The following VPS13C variants were observed in gnomAD, a reference collection of about 807,000 sequenced individuals.
VPS13C encodes intermembrane lipid transfer protein VPS13C.
In VPS13C, 358 loss-of-function variants were observed where a neutral mutation model predicts 456.8. The ratio of observed to expected loss-of-function variants is 0.78; its 90% CI spans 0.72 to 0.86. The LOEUF (loss-of-function observed/expected upper bound fraction) is 0.86, where lower values mean the gene tolerates loss of function less well. Among genes scored for constraint, VPS13C ranks in the 40% least tolerant of loss-of-function variants. The probability of loss-of-function intolerance (pLI) is 0.00; values close to 1 mark genes in which losing one functional copy is unlikely to be tolerated. For missense variants in VPS13C, 4,818 were observed against 4,385.4 expected, an observed-to-expected ratio of 1.10 and a Z score of -2.79; for synonymous variants, 1,578 against 1,486.7, an observed-to-expected ratio of 1.06 and a Z score of -1.41.
At chr15:61,917,137 T>C (rs1239268532) in intron 60 of VPS13C, among the ~76,000 whole-genome samples, 2 of 152,114 alleles carry the variant, frequency 1.3e-5, no homozygotes, top group South Asian at 2.1e-4. Flanking sequence ...AAAGAGTAAA[T>C]AGGCTAATAC....
In VPS13C at chr15:61,854,454, T is replaced by C. The variant is rs1054946297; in HGVS notation, c.*3A>G. The stretch of plus-strand genomic sequence containing the variant: ...TCCCTGTTGGAGCCCCTGAGGTCTG[T>C]GATTAAGATGGCAATTGGGGTCTGA... On this transcript the variant is annotated 3_prime_UTR_variant, in exon 85 of 85. Coordinates refer to ENST00000644861, the MANE Select transcript of VPS13C (RefSeq NM_020821.3). 1.2e-6 allele frequency: 2 copies of C among 1,613,812 alleles called. No individual in the cohort carries two copies. The highest frequency in any genetic ancestry group is 8.5e-7 in the Non-Finnish European group (1 of 1,179,788).
At chr15:61,907,493 T>G in intron 65 of VPS13C, 103 bp from the exon 66 acceptor site, 1 of 1,420,564 alleles carries the variant, frequency 7.0e-7, no homozygotes, top group Non-Finnish European at 9.4e-7. Flanking sequence ...CCTACGAAAT[T>G]GCTGTGGTTA....
At chr15:61,923,387 T>C (rs1030152316) in intron 53 of VPS13C, among the ~76,000 whole-genome samples, 7 of 152,186 alleles carry the variant, frequency 4.6e-5, no homozygotes, top group African/African-American at 1.7e-4. Flanking sequence ...AGTTCTACAC[T>C]GATGACATCT....
Position 62,033,447 on chromosome 15 carries a change from C to A in VPS13C, c.379G>T (p.Glu127Ter). ...RIEEALQKAAEKGTHSGEFIY... is the reference protein window; with the variant it reads ...RIEEALQKAA ...TCTCAAAAAAACTTTTTACCTTTTT[C>A]TGCTGCTTTTTGAAGGGCTTCTTCA... The change falls in exon 5 of 85, where the codon GAA becomes TAA. Residue 127 changes from glutamate (E) to a stop codon, truncating the protein, a stop_gained. Transcript: ENST00000644861. LOFTEE classifies it high-confidence loss of function. 6.3e-7 allele frequency: 1 copy of A among 1,597,022 alleles called. No individual in the cohort carries two copies. Among genetic ancestry groups the A allele is most frequent in the South Asian group, 1.1e-5 (1 of 88,010 alleles).
At position 61,927,154 on chromosome 15, in the gene VPS13C, C is replaced by G. The variant is rs1004055423; in HGVS notation, c.6453G>C (p.Val2151=). The stretch of plus-strand genomic sequence containing the variant: ...GGCAAGCGAGCACTTTCAGATCTCT[C>G]ACAGAAGCTTCCATCATCTGTTCGA... ...SKLEQMMEAS[V]RDLKVLACPF... Residue 2151 remains valine (V), a synonymous_variant, in exon 52 of 85, where the codon GTG becomes GTC. Coordinates refer to ENST00000644861, the MANE Select transcript of VPS13C (RefSeq NM_020821.3). 1 of 1,614,046 alleles carries G rather than the reference C, an allele frequency of 6.2e-7. No homozygotes were observed. Among genetic ancestry groups the G allele is most frequent in the Non-Finnish European group, 8.5e-7 (1 of 1,180,044 alleles).
chr15:62,047,120 C>T (rs144529587), intron 1 of VPS13C, among the ~76,000 whole-genome samples: 63 of 151,614 alleles, frequency 4.2e-4, no homozygotes, highest in African/African-American at 1.5e-3. Flanking sequence ...CCCCCAGACA[C>T]GTAAGAATAA....
chr15:62,013,240 A>G (rs1422993920), intron 10 of VPS13C, 121 bp from the exon 11 acceptor site: 2 of 557,502 alleles, frequency 3.6e-6, no homozygotes, highest in Non-Finnish European at 5.9e-6. Flanking sequence ...GAATTTTTAA[A>G]GGAAAGAAAA....
chr15:61,942,965 C>T (rs1161355018), intron 45 of VPS13C, among the ~76,000 whole-genome samples: 5 of 152,006 alleles, frequency 3.3e-5, no homozygotes, highest in African/African-American at 1.2e-4. Context: ...CATTTCTATA[C>T]ACCAATAACA....
At chr15:61,864,867 T>C (rs944266433) in intron 81 of VPS13C, 2 of 974,282 alleles carry the variant, frequency 2.1e-6, no homozygotes, top group Non-Finnish European at 2.4e-6. Flanking sequence ...AATGCATTTA[T>C]CTGCAGCTTG....
chr15:62,058,978 G>A (rs529222033), intron 1 of VPS13C, among the ~76,000 whole-genome samples: 1 of 150,792 alleles, frequency 6.6e-6, no homozygotes, highest in African/African-American at 2.4e-5. Context: ...CGTAATTCAG[G>A]GTATAAACAG....
intron 35 of VPS13C, among the ~76,000 whole-genome samples, chr15:61,960,937 C>G (rs1315158318): frequency 6.6e-6 from 1 of 150,988 alleles, no homozygotes; most frequent in African/African-American, 2.4e-5. Context: ...AAAAATTAGC[C>G]AGGCATGATG....
In VPS13C at chr15:61,912,024, T is replaced by C; in HGVS notation, c.8551-20A>G. ...ACCAACCTGTGGAAAGGAAAAAAGC[T>C]TATTTTCCAGTTTATTCAATGTCTT... On this transcript the variant is annotated intron_variant, in intron 62 of 84. Transcript: ENST00000644861. 6.5e-7 allele frequency: 1 copy of C among 1,545,200 alleles called. No homozygotes were observed.
intron 67 of VPS13C, among the ~76,000 whole-genome samples, chr15:61,886,505 G>A (rs1361064522): frequency 6.6e-6 from 1 of 152,034 alleles, no homozygotes. Flanking sequence ...AATAAAAAAT[G>A]CTGCAGAACA....
intron 15 of VPS13C, among the ~76,000 whole-genome samples, chr15:62,005,367 T>A (rs1472840675): frequency 6.6e-6 from 1 of 152,224 alleles, no homozygotes; most frequent in Non-Finnish European, 1.5e-5. Flanking sequence ...TTCCATTTGC[T>A]TGGTAGATCT....
At chr15:61,877,927 A>G (rs537303999) in intron 74 of VPS13C, among the ~76,000 whole-genome samples, 2 of 152,020 alleles carry the variant, frequency 1.3e-5, no homozygotes, top group African/African-American at 2.4e-5. Flanking sequence ...TAATATTAAG[A>G]TAACAGTCCT....
intron 16 of VPS13C, among the ~76,000 whole-genome samples, chr15:61,992,945 T>C (rs1170300466): frequency 6.6e-6 from 1 of 151,920 alleles, no homozygotes; most frequent in Non-Finnish European, 1.5e-5. Context: ...GACAACAAAC[T>C]AGTTTCCTTC....
intron 58 of VPS13C, among the ~76,000 whole-genome samples, chr15:61,918,748 G>GA (rs1019507934): frequency 2.0e-5 from 3 of 151,596 alleles, no homozygotes; most frequent in East Asian, 3.9e-4. Context: ...TTACAGGTAG[G>GA]AAAAAAAATG....
chr15:61,989,383 T>C (rs2046155883), intron 18 of VPS13C, among the ~76,000 whole-genome samples: 1 of 150,538 alleles, frequency 6.6e-6, no homozygotes, highest in South Asian at 2.1e-4. Context: ...CCTGGGAGAG[T>C]AAGACCCTGT....
chr15:62,014,445 C>T (rs1388653135), intron 9 of VPS13C, among the ~76,000 whole-genome samples: 4 of 151,902 alleles, frequency 2.6e-5, no homozygotes, highest in Non-Finnish European at 4.4e-5. Context: ...GCAGCAAGGG[C>T]GTTATTGAGA....
Sources: allele counts gnomAD v4.1 joint callset (sites outside exome capture counted in the v4.1 genomes callset), GRCh38; gene constraint gnomAD v4.1.1; transcripts MANE v1.5; gene names NCBI Gene and HGNC (gene_info 2026-07-23, HGNC 2026-07-21).